The following SNTG1 variants were observed in gnomAD, a reference collection of about 807,000 sequenced individuals.
The protein encoded by SNTG1 is gamma-1-syntrophin.
Under a neutral mutation model 74.7 loss-of-function variants are expected in SNTG1, and 39 were observed. The observed-to-expected ratio is 0.52, with a 90% confidence interval of 0.40 to 0.68. The LOEUF (loss-of-function observed/expected upper bound fraction) is 0.68. SNTG1 is among the 30% of genes least tolerant of loss of function. The probability of loss-of-function intolerance (pLI) is 0.00; values close to 1 mark genes in which losing one functional copy is unlikely to be tolerated. For missense variants in SNTG1, 685 were observed against 609.5 expected (o/e 1.12, Z -1.30); for synonymous variants, 254 against 217.1 (o/e 1.17, Z -1.49).
At chr8:50,082,620 A>G (rs914511082) in intron 1 of SNTG1, among the ~76,000 whole-genome samples, 2 of 152,160 alleles carry the variant, frequency 1.3e-5, no homozygotes, top group African/African-American at 4.8e-5. Context: ...TAAACTTCCT[A>G]TTCCCTGATG....
At chr8:50,461,459 AG>A (rs1485572614) in intron 8 of SNTG1, among the ~76,000 whole-genome samples, 1 of 152,118 alleles carries the variant, frequency 6.6e-6, no homozygotes, top group African/African-American at 2.4e-5. Flanking sequence ...TTACTGTGTG[AG>A]GGCAGGCTAT....
intron 9 of SNTG1, among the ~76,000 whole-genome samples, chr8:50,528,400 C>A (rs2130286296): frequency 6.6e-6 from 1 of 151,958 alleles, no homozygotes; most frequent in East Asian, 1.9e-4. Context: ...CTACATACAT[C>A]AAAATATTAC....
At chr8:50,520,493 A>G (rs539013776) in intron 9 of SNTG1, among the ~76,000 whole-genome samples, 77 of 152,208 alleles carry the variant, frequency 5.1e-4, no homozygotes, top group Non-Finnish European at 9.3e-4. Flanking sequence ...CTATAATCAG[A>G]GTGAACAGGC....
chr8:50,067,860 T>TG (rs1821028527), intron 1 of SNTG1, among the ~76,000 whole-genome samples: 1 of 152,176 alleles, frequency 6.6e-6, no homozygotes, highest in Non-Finnish European at 1.5e-5. Context: ...CACAGCCTGC[T>TG]GGGGCCTGTT....
intron 1 of SNTG1, among the ~76,000 whole-genome samples, chr8:49,936,737 C>T (rs1291204977): frequency 6.6e-6 from 1 of 152,058 alleles, no homozygotes; most frequent in Non-Finnish European, 1.5e-5. Context: ...CCCAACAGTC[C>T]ATCAACAAGT....
At position 50,658,626 on chromosome 8, in the gene SNTG1, C is replaced by T. The variant is rs369989783; in HGVS notation, c.1001C>T (p.Thr334Ile). 2.5e-6 allele frequency: 4 copies of T among 1,610,078 alleles called. No homozygotes were observed. The highest frequency in any genetic ancestry group is 1.1e-5 in the South Asian group (1 of 90,866). Reference sequence around the variant, plus strand: ...TGGGACTGGACGAGAGCAGAGAAAACATTCTCAGTTTATGAGATTATGTGC... The same window carrying T: ...TGGGACTGGACGAGAGCAGAGAAAATATTCTCAGTTTATGAGATTATGTGC... ...TTWDWTRAEKTFSVYEIMCKI... is the reference protein window; with the variant it reads ...TTWDWTRAEKIFSVYEIMCKI... Residue 334 changes from threonine (T) to isoleucine (I), a missense_variant, in exon 15 of 19, where the codon ACA becomes ATA. Thr to Ile is a moderately conservative substitution (Grantham distance 89). Coordinates refer to ENST00000642720, the MANE Select transcript of SNTG1 (RefSeq NM_018967.5).
At chr8:50,467,335 A>G (rs2093616559) in intron 8 of SNTG1, among the ~76,000 whole-genome samples, 1 of 151,866 alleles carries the variant, frequency 6.6e-6, no homozygotes. Flanking sequence ...TTCGTTAAAT[A>G]TCTTTAATAA....
intron 2 of SNTG1, among the ~76,000 whole-genome samples, chr8:50,279,913 T>C (rs2088341554): frequency 1.3e-5 from 2 of 152,208 alleles, no homozygotes; most frequent in South Asian, 2.1e-4. Context: ...TTTAGAGATG[T>C]AGTCATCCTT....
intron 17 of SNTG1, among the ~76,000 whole-genome samples, chr8:50,728,274 C>T (rs1189282723): frequency 1.3e-5 from 2 of 152,106 alleles, no homozygotes; most frequent in Non-Finnish European, 2.9e-5. Flanking sequence ...ACTGTCTGTC[C>T]TCTTTTGCCC....
At chr8:50,484,793 A>G (rs2131838942) in intron 8 of SNTG1, among the ~76,000 whole-genome samples, 1 of 151,746 alleles carries the variant, frequency 6.6e-6, no homozygotes, top group South Asian at 2.1e-4. Flanking sequence ...CAGGAAGGGG[A>G]GATTTCAGTG....
At chr8:50,553,494 A>G (rs1311452600) in intron 12 of SNTG1, among the ~76,000 whole-genome samples, 9 of 152,208 alleles carry the variant, frequency 5.9e-5, no homozygotes, top group Admixed American at 5.9e-4. Context: ...ACTGGGTTTC[A>G]AGACAGCATT....
At chr8:49,994,818 C>A (rs1230176496) in intron 1 of SNTG1, among the ~76,000 whole-genome samples, 1 of 151,848 alleles carries the variant, frequency 6.6e-6, no homozygotes, top group Non-Finnish European at 1.5e-5. Flanking sequence ...TAAAGGGTAC[C>A]TCAAAGGTAG....
At chr8:50,790,933 T>G (rs1276904866) in intron 18 of SNTG1, among the ~76,000 whole-genome samples, 1 of 151,934 alleles carries the variant, frequency 6.6e-6, no homozygotes, top group Non-Finnish European at 1.5e-5. Context: ...GAGAAAAAGT[T>G]ATTTGCCATA....
chr8:49,963,390 G>A (rs1182705361), intron 1 of SNTG1, among the ~76,000 whole-genome samples: 1 of 152,178 alleles, frequency 6.6e-6, no homozygotes, highest in African/African-American at 2.4e-5. Flanking sequence ...TTTGGTTTAT[G>A]TCTTGGGCTT....
chr8:50,061,153 T>A (rs1465067575), intron 1 of SNTG1, among the ~76,000 whole-genome samples: 1 of 152,162 alleles, frequency 6.6e-6, no homozygotes, highest in Non-Finnish European at 1.5e-5. Flanking sequence ...TGTGTAGAAT[T>A]CAAAAGCAAA....
At chr8:50,058,482 G>C (rs1384925043) in intron 1 of SNTG1, among the ~76,000 whole-genome samples, 1 of 152,036 alleles carries the variant, frequency 6.6e-6, no homozygotes, top group Non-Finnish European at 1.5e-5. Flanking sequence ...AGCTGAAAGT[G>C]GTAGAGCAGA....
At chr8:50,515,443 A>G (rs1368418727) in intron 9 of SNTG1, among the ~76,000 whole-genome samples, 3 of 131,854 alleles carry the variant, frequency 2.3e-5, no homozygotes, top group South Asian at 2.4e-4. Context: ...TGGAATGCCA[A>G]TGAGACAGAA....
Position 50,484,355 on chromosome 8 carries a change from AC to A in SNTG1, c.364-18422del, listed in dbSNP as rs1317252605. On this transcript the variant is annotated intron_variant, in intron 8 of 18. Transcript: ENST00000642720. ...CTCAGCCTCCTAAGTAGCTGGGATT[AC>A]AGTCATGCGCCACCATTCCTGGCTA... Among the ~76,000 whole-genome samples, 20 of 151,462 alleles carry A rather than the reference AC, an allele frequency of 1.3e-4. 1 individual carries two copies. Among genetic ancestry groups the A allele is most frequent in the Admixed American group, 6.6e-5 (1 of 15,214 alleles).
At chr8:50,479,868 G>A (rs377026562) in intron 8 of SNTG1, among the ~76,000 whole-genome samples, 1 of 152,096 alleles carries the variant, frequency 6.6e-6, no homozygotes, top group Admixed American at 6.6e-5. Flanking sequence ...CAATTACAAA[G>A]GTTTGTCAAT....
Sources: allele counts gnomAD v4.1 joint callset (sites outside exome capture counted in the v4.1 genomes callset), GRCh38; gene constraint gnomAD v4.1.1; transcripts MANE v1.5; gene names NCBI Gene and HGNC (gene_info 2026-07-23, HGNC 2026-07-21).